OLA1: variants seen among roughly 807,000 people sequenced by gnomAD.
OLA1 encodes obg-like ATPase 1.
In OLA1, 14 loss-of-function variants were observed where a neutral mutation model predicts 48.4. That is an observed-to-expected ratio of 0.29 (90% CI 0.19 to 0.45). The LOEUF (loss-of-function observed/expected upper bound fraction) is 0.45. Ranked by LOEUF, OLA1 falls within the 20% of genes least tolerant of loss-of-function variation. The probability of loss-of-function intolerance (pLI) is 1.00; values close to 1 mark genes in which losing one functional copy is unlikely to be tolerated. For missense variants in OLA1, 325 were observed against 467.1 expected (o/e 0.70, Z 2.80); for synonymous variants, 127 against 150.4 (o/e 0.84, Z 1.14).
At chr2:174,198,255 C>T (rs1270833102) in intron 4 of OLA1, among the ~76,000 whole-genome samples, 3 of 152,120 alleles carry the variant, frequency 2.0e-5, no homozygotes, top group Non-Finnish European at 4.4e-5. Flanking sequence ...GCCACCGTGC[C>T]CAGCCTGCAA....
chr2:174,117,977 G>C (rs750227663), intron 7 of OLA1, among the ~76,000 whole-genome samples: 14 of 152,110 alleles, frequency 9.2e-5, no homozygotes, highest in Non-Finnish European at 1.9e-4. Context: ...GGTCTAACTG[G>C]CTCACAGTTC....
chr2:174,247,604 A>G (rs1689154376), intron 1 of OLA1: 2 of 1,546,890 alleles, frequency 1.3e-6, no homozygotes, highest in Non-Finnish European at 1.7e-6. Context: ...CCATTCCTCT[A>G]TAATCTGGAA....
intron 4 of OLA1, among the ~76,000 whole-genome samples, chr2:174,153,353 T>A (rs910402210): frequency 2.0e-5 from 3 of 152,126 alleles, no homozygotes; most frequent in African/African-American, 7.2e-5. Context: ...AATAATATAC[T>A]TTAAAGCAGT....
intron 5 of OLA1, among the ~76,000 whole-genome samples, chr2:174,128,750 AT>A (rs199911572): frequency 3.8e-4 from 56 of 145,530 alleles, no homozygotes; most frequent in South Asian, 3.3e-3. Context: ...AAAAAAAAAA[AT>A]AAAATAAAAT....
chr2:174,201,998 T>C lies in OLA1; in HGVS notation c.373+21035A>G, dbSNP rs374366349. Among the ~76,000 whole-genome samples the C allele has an allele frequency of 1.4e-4, 22 of 152,288 alleles. No individual in the cohort carries two copies. The South Asian group carries it at 4.4e-3, about 30-fold the overall frequency. On this transcript the variant is annotated intron_variant, in intron 4 of 10. Coordinates refer to ENST00000284719, the MANE Select transcript of OLA1 (RefSeq NM_013341.5). ...CTGAGAGGGTTCACTTGCCTGTGGA[T>C]TTTTTTCAATAAACATATTTTTAAA...
At chr2:174,141,525 G>A (rs1686446238) in intron 5 of OLA1, among the ~76,000 whole-genome samples, 1 of 152,090 alleles carries the variant, frequency 6.6e-6, no homozygotes, top group Admixed American at 6.6e-5. Flanking sequence ...ACCAAATCCA[G>A]TAAGTTTTTC....
At chr2:174,124,776 C>G (rs1686009538) in intron 5 of OLA1, among the ~76,000 whole-genome samples, 1 of 152,136 alleles carries the variant, frequency 6.6e-6, no homozygotes, top group South Asian at 2.1e-4. Flanking sequence ...TTACCATAAT[C>G]AGTTATTCTT....
In OLA1 at chr2:174,116,281, T is replaced by C. The variant is rs140806419; in HGVS notation, c.728+6899A>G. The stretch of plus-strand genomic sequence containing the variant: ...GTAAAAATGGTCACAGATACAAAAA[T>C]ATTTCTCAAATTGTTCTATTTCTAC... On this transcript the variant is annotated intron_variant, in intron 7 of 10. Transcript: ENST00000284719. 6.0e-4 allele frequency among the ~76,000 whole-genome samples: 91 copies of C among 152,294 alleles called. 2 individuals are homozygous for C. In the East Asian group the frequency reaches 0.015, roughly 25 times the overall value.
intron 4 of OLA1, among the ~76,000 whole-genome samples, chr2:174,154,869 A>T (rs1686835612): frequency 6.6e-6 from 1 of 152,196 alleles, no homozygotes; most frequent in African/African-American, 2.4e-5. Flanking sequence ...TGGCACCCAC[A>T]ATATCCATTT....
chr2:174,086,017 A>C lies in OLA1; in HGVS notation c.729-3953T>G, dbSNP rs182441046. On this transcript the variant is annotated intron_variant, in intron 7 of 10. Coordinates refer to ENST00000284719, the MANE Select transcript of OLA1 (RefSeq NM_013341.5). ...TGTGTGGTCATTTTGGCAGCTGCAG[A>C]TATTTCTAAGGGAGTCTGGTGGTCC... 2.2e-4 allele frequency among the ~76,000 whole-genome samples: 33 copies of C among 152,108 alleles called. No individual in the cohort carries two copies. The East Asian group carries it at 5.6e-3, about 26-fold the overall frequency.
chr2:174,239,670 G>A (rs759695685), intron 2 of OLA1, among the ~76,000 whole-genome samples: 38 of 141,944 alleles, frequency 2.7e-4, no homozygotes, highest in Middle Eastern at 4.5e-3. Context: ...TTGAGGCCAG[G>A]AGTTTGAGAC....
At chr2:174,158,594 A>G (rs1323448123) in intron 4 of OLA1, among the ~76,000 whole-genome samples, 2 of 152,204 alleles carry the variant, frequency 1.3e-5, no homozygotes, top group Admixed American at 6.5e-5. Flanking sequence ...AAATATGAAT[A>G]CATTTAATGC....
chr2:174,112,063 A>C (rs921911299), intron 7 of OLA1, among the ~76,000 whole-genome samples: 1 of 152,200 alleles, frequency 6.6e-6, no homozygotes, highest in Non-Finnish European at 1.5e-5. Flanking sequence ...TTTTAGTCTC[A>C]GATTTTATAG....
intron 9 of OLA1, chr2:174,080,944 T>TA (rs1009721890): frequency 1.9e-5 from 10 of 515,510 alleles, no homozygotes; most frequent in Non-Finnish European, 3.1e-5. Context: ...GACTATGTAA[T>TA]AGGCAGAATC....
intron 4 of OLA1, among the ~76,000 whole-genome samples, chr2:174,179,055 G>A (rs1293730659): frequency 6.6e-6 from 1 of 151,874 alleles, no homozygotes; most frequent in African/African-American, 2.4e-5. Context: ...ATATTTTAAA[G>A]AGCAAATGCG....
intron 4 of OLA1, among the ~76,000 whole-genome samples, chr2:174,222,376 T>G (rs1469856319): frequency 4.6e-5 from 7 of 152,156 alleles, no homozygotes; most frequent in Admixed American, 3.9e-4. Flanking sequence ...CTCTAACTTG[T>G]GTTTTCTTGT....
At chr2:174,163,899 A>C (rs923546265) in intron 4 of OLA1, among the ~76,000 whole-genome samples, 1 of 151,578 alleles carries the variant, frequency 6.6e-6, no homozygotes, top group Admixed American at 6.6e-5. Context: ...GAAACTTTTA[A>C]AACGTGGTGG....
At chr2:174,185,745 T>C (rs1250219053) in intron 4 of OLA1, among the ~76,000 whole-genome samples, 1 of 152,128 alleles carries the variant, frequency 6.6e-6, no homozygotes, top group African/African-American at 2.4e-5. Flanking sequence ...CTGGCCAACA[T>C]GGCAAAACCT....
chr2:174,113,942 C>T (rs967765331), intron 7 of OLA1, among the ~76,000 whole-genome samples: 1 of 152,034 alleles, frequency 6.6e-6, no homozygotes, highest in African/African-American at 2.4e-5. Flanking sequence ...TATCATACAT[C>T]TCAGCAATTT....
Sources: allele counts gnomAD v4.1 joint callset (sites outside exome capture counted in the v4.1 genomes callset), GRCh38; gene constraint gnomAD v4.1.1; transcripts MANE v1.5; gene names NCBI Gene and HGNC (gene_info 2026-07-23, HGNC 2026-07-21).